The following KIF9 variants were observed in gnomAD, a reference collection of about 807,000 sequenced individuals.
KIF9 encodes the protein kinesin family member 9, also known as kinesin-like protein KIF9.
Under a neutral mutation model 94.8 loss-of-function variants are expected in KIF9, and 68 were observed. The ratio of observed to expected loss-of-function variants is 0.72; its 90% CI spans 0.59 to 0.88. The LOEUF (loss-of-function observed/expected upper bound fraction) is 0.88, where lower values mean the gene tolerates loss of function less well. KIF9 is among the 40% of genes least tolerant of loss of function. The pLI is 0.00. For synonymous variants in KIF9, 343 were observed against 362.1 expected (o/e 0.95, Z 0.60); for missense variants, 882 against 982.5 (o/e 0.90, Z 1.37).
Position 47,257,492 on chromosome 3 carries a change from ATACTTT to A in KIF9, c.1044_1049del (p.Glu348_Tyr350delinsAsp). Reference sequence around the variant, plus strand: ...ACAACCCCTGCTGTACCTCAGCATCATACTTTTCATTGATGGCAGGCTCAGTGGTGA... The same window carrying A: ...ACAACCCCTGCTGTACCTCAGCATCATCATTGATGGCAGGCTCAGTGGTGA... On this transcript the variant is annotated inframe_deletion, in exon 10 of 21. Coordinates refer to ENST00000684063, the MANE Select transcript of KIF9 (RefSeq NM_182902.4). 6.2e-7 allele frequency: 1 copy of A among 1,613,976 alleles called. No homozygotes were observed. The highest frequency in any genetic ancestry group is 1.3e-5 in the African/African-American group (1 of 75,050).
At position 47,240,049 on chromosome 3, in the gene KIF9, C is replaced by T. The variant is rs574668491; in HGVS notation, c.1924+752G>A. On this transcript the variant is annotated intron_variant, in intron 17 of 20. Coordinates refer to ENST00000684063, the MANE Select transcript of KIF9 (RefSeq NM_182902.4). ...CTGCTCCATCTCTCCCAAGTCAGAA[C>T]CACTGGCTGAGGGGCTGGGAATCTG... 9.2e-6 allele frequency: 7 copies of T among 758,264 alleles called. No individual in the cohort carries two copies. The Admixed American group carries it at 2.0e-4, about 21-fold the overall frequency. The allele number at this position is 758,264 out of a possible 1,614,324, so 47.0% of individuals were successfully genotyped here.
chr3:47,233,594 G>C (rs1698779824), intron 20 of KIF9, among the ~76,000 whole-genome samples: 2 of 151,644 alleles, frequency 1.3e-5, no homozygotes, highest in South Asian at 4.2e-4. Flanking sequence ...TACTCGGGAG[G>C]CTGAGGTGGG....
At chr3:47,277,411 A>G (rs1702051869) in intron 1 of KIF9, 32 bp from the exon 2 acceptor site, 2 of 1,435,792 alleles carry the variant, frequency 1.4e-6, no homozygotes, top group Non-Finnish European at 2.0e-6. Context: ...AATTTTGAGT[A>G]GTCATTATCA....
chr3:47,243,828 C>T (rs1397038409), intron 15 of KIF9: 2 of 152,316 alleles, frequency 1.3e-5, no homozygotes, highest in African/African-American at 4.8e-5. Flanking sequence ...CATGGCTCTT[C>T]CCAAAGGTCT....
Position 47,236,058 on chromosome 3 carries a change from G to T in KIF9, c.2193C>A (p.Val731=). The T allele has an allele frequency of 1.2e-6, 2 of 1,614,008 alleles. No individual in the cohort carries two copies. The highest frequency in any genetic ancestry group is 1.7e-6 in the Non-Finnish European group (2 of 1,179,918). The change falls in exon 19 of 21, where the codon GTC becomes GTA. Residue 731 remains valine (V), a synonymous_variant. Coordinates refer to ENST00000684063, the MANE Select transcript of KIF9 (RefSeq NM_182902.4). ...KPGGSIRPGM[V]PVNRIVSLGE... ...CCAGAGACACAATCCTGTTCACAGG[G>T]ACCATGCCTGGCCGGATGCTGCCGC...
At chr3:47,279,588 T>G (rs1702193896) in intron 1 of KIF9, among the ~76,000 whole-genome samples, 1 of 151,982 alleles carries the variant, frequency 6.6e-6, no homozygotes, top group Non-Finnish European at 1.5e-5. Context: ...TTTTAAAAAG[T>G]ACATTAAATA....
intron 9 of KIF9, among the ~76,000 whole-genome samples, chr3:47,261,505 C>T (rs912470441): frequency 3.9e-5 from 6 of 152,172 alleles, no homozygotes; most frequent in African/African-American, 1.4e-4. Flanking sequence ...GAGGCAGGCC[C>T]AGAGATTCTT....
chr3:47,247,493 A>C lies in KIF9; in HGVS notation c.1129-16T>G, dbSNP rs1432254614. The C allele has an allele frequency of 1.3e-6, 2 of 1,585,058 alleles. No homozygotes were observed. Among genetic ancestry groups the C allele is most frequent in the Non-Finnish European group, 1.7e-6 (2 of 1,153,846 alleles). On this transcript the variant is annotated splice_polypyrimidine_tract_variant and intron_variant, in intron 11 of 20. Transcript: ENST00000684063. Reference sequence around the variant, plus strand: ...TGCGGTTGGTCTTGAAGGAGGATGAAGAACATGTGGATAAGCAACAAGAAC... The same window carrying C: ...TGCGGTTGGTCTTGAAGGAGGATGACGAACATGTGGATAAGCAACAAGAAC...
At chr3:47,266,337 G>A (rs899110390) in intron 7 of KIF9, among the ~76,000 whole-genome samples, 1 of 152,106 alleles carries the variant, frequency 6.6e-6, no homozygotes, top group African/African-American at 2.4e-5. Flanking sequence ...ATACTCATAC[G>A]AATACTCATA....
chr3:47,230,761 T>G (rs1454259697), intron 20 of KIF9, among the ~76,000 whole-genome samples: 1 of 146,286 alleles, frequency 6.8e-6, no homozygotes, highest in Non-Finnish European at 1.5e-5. Context: ...TTACCCAGGC[T>G]GGGCACAGTG....
At chr3:47,247,922 C>T (rs897071028) in intron 11 of KIF9, 96 bp downstream of exon 11, 4 of 949,672 alleles carry the variant, frequency 4.2e-6, no homozygotes, top group Middle Eastern at 2.3e-4. Context: ...CCACCATTGG[C>T]CTTGACCCAT....
rs1253041774 is a variant in KIF9 at position 47,241,865 on chromosome 3, C to CACAT, written c.1710-851_1710-850insATGT. Among the ~76,000 whole-genome samples, 546 of 109,372 alleles carry CACAT rather than the reference C, an allele frequency of 5.0e-3. 8 individuals are homozygous for CACAT. The highest frequency in any genetic ancestry group is 0.021 in the African/African-American group (526 of 24,598). 71.8% of individuals were successfully genotyped at this position (109,372 alleles called of 152,430 possible). On this transcript the variant is annotated intron_variant, in intron 16 of 20. Transcript: ENST00000684063. ...TAAAATATATATATATATATATACA[C>CACAT]ATATATATATATATATATATTTTTT...
intron 9 of KIF9, among the ~76,000 whole-genome samples, 192 bp from the exon 10 acceptor site, chr3:47,257,752 G>A (rs944068091): frequency 1.3e-5 from 2 of 152,162 alleles, no homozygotes. Flanking sequence ...GAGAAGAGCA[G>A]GAAGGTGACA....
intron 7 of KIF9, 179 bp from the exon 8 acceptor site, chr3:47,266,056 T>TA (rs1701272245): frequency 8.5e-6 from 5 of 588,002 alleles, no homozygotes; most frequent in Non-Finnish European, 1.5e-5. Flanking sequence ...CTAATAATGG[T>TA]AATACCAAAA....
At chr3:47,249,438 G>A (rs1263258529) in intron 10 of KIF9, among the ~76,000 whole-genome samples, 1 of 152,154 alleles carries the variant, frequency 6.6e-6, no homozygotes, top group African/African-American at 2.4e-5. Context: ...GAGTCACTGT[G>A]CCTGGCCTCA....
At chr3:47,229,942 C>G (rs190386415) in intron 20 of KIF9, among the ~76,000 whole-genome samples, 191 of 152,146 alleles carry the variant, frequency 1.3e-3, no homozygotes, top group Non-Finnish European at 2.0e-3. Flanking sequence ...CCATGTTAGC[C>G]AGGCTGGTCC....
rs536535405 is a variant in KIF9 at position 47,267,334 on chromosome 3, A to G, written c.592-71T>C. 8.6e-6 allele frequency: 9 copies of G among 1,050,398 alleles called. No homozygotes were observed. In the Admixed American group the frequency reaches 1.5e-4, roughly 18 times the overall value. The allele number at this position is 1,050,398 out of a possible 1,614,324, so 65.1% of individuals were successfully genotyped here. ...GACAAGGCACTTGGGTCATTTTTCA[A>G]TTATACCAATAGCTACACAAGTGGT... On this transcript the variant is annotated intron_variant, in intron 5 of 20. Coordinates refer to ENST00000684063, the MANE Select transcript of KIF9 (RefSeq NM_182902.4).
rs993085522 is a variant in KIF9 at position 47,264,983 on chromosome 3, T to C, written c.917-633A>G. Among the ~76,000 whole-genome samples the C allele has an allele frequency of 1.4e-4, 21 of 152,332 alleles. 1 individual carries two copies. The East Asian group carries it at 3.1e-3, about 22-fold the overall frequency. The stretch of plus-strand genomic sequence containing the variant: ...CCAGGAGGAGGGCCCTCGCTAGGCA[T>C]TGAATCTGCTGGCACTTGAATCTTG... On this transcript the variant is annotated intron_variant, in intron 8 of 20. Transcript: ENST00000684063.
chr3:47,232,471 G>A (rs1437223990), intron 20 of KIF9, among the ~76,000 whole-genome samples: 2 of 151,542 alleles, frequency 1.3e-5, no homozygotes, highest in Non-Finnish European at 2.9e-5. Context: ...TTTTAGTAGA[G>A]ACGAGGTTTC....
Sources: gnomAD v4.1 joint callset for allele counts (sites outside exome capture counted in the v4.1 genomes callset) on GRCh38, gnomAD v4.1.1 for gene constraint, MANE v1.5 for transcripts, NCBI Gene and HGNC (gene_info 2026-07-23, HGNC 2026-07-21) for gene names.